Variants in GPR158 observed in about 807,000 individuals in gnomAD.
The protein encoded by GPR158 is G protein-coupled receptor 158, also known as metabotropic glycine receptor.
GPR158 carries 30 observed loss-of-function variants against 78.2 expected under a neutral mutation model. That is an observed-to-expected ratio of 0.38 (90% CI 0.29 to 0.52). GPR158 has a LOEUF of 0.52. Among genes scored for constraint, GPR158 ranks in the 20% least tolerant of loss-of-function variants. GPR158 has a pLI of 0.83. For missense variants in GPR158, 1,463 were observed against 1,523.5 expected, an observed-to-expected ratio of 0.96 and a Z score of 0.66; for synonymous variants, 581 against 591.1, an observed-to-expected ratio of 0.98 and a Z score of 0.25.
At chr10:25,295,731 T>C (rs1854503524) in intron 2 of GPR158, among the ~76,000 whole-genome samples, 1 of 152,140 alleles carries the variant, frequency 6.6e-6, no homozygotes, top group Admixed American at 6.5e-5. Context: ...CTTTCTTTTA[T>C]ACTTCAAATA....
In GPR158 at chr10:25,597,807, A is replaced by C. The variant is rs141944905; in HGVS notation, c.2181A>C (p.Ile727=). ...AAAAACTCTATGCCCAACTGGAAAT[A>C]TATAAAAGAAAGAAGATGATCACAA... ...ELKKLYAQLE[I]YKRKKMITNN... The change falls in exon 11 of 11, where the codon ATA becomes ATC. Residue 727 remains isoleucine, a synonymous_variant. Coordinates refer to ENST00000376351, the MANE Select transcript of GPR158 (RefSeq NM_020752.3). 5.0e-5 allele frequency: 76 copies of C among 1,514,402 alleles called. No individual in the cohort carries two copies. The African/African-American group carries it at 6.8e-4, about 14-fold the overall frequency. The allele number at this position is 1,514,402 out of a possible 1,614,324, so 93.8% of individuals were successfully genotyped here. A position where few individuals can be genotyped will look rare whatever the true frequency, so the allele number is the denominator to read the frequency against.
chr10:25,242,603 C>G (rs534494427), intron 2 of GPR158, among the ~76,000 whole-genome samples: 1 of 152,274 alleles, frequency 6.6e-6, no homozygotes, highest in East Asian at 1.9e-4. Context: ...CTTGGCCATT[C>G]TCTCTCTTCA....
chr10:25,285,287 A>G (rs1376917207), intron 2 of GPR158, among the ~76,000 whole-genome samples: 1 of 150,468 alleles, frequency 6.6e-6, no homozygotes, highest in South Asian at 2.2e-4. Context: ...ACACGTATGC[A>G]TTGATATGTA....
chr10:25,406,550 G>A (rs894428381), intron 3 of GPR158, among the ~76,000 whole-genome samples: 1 of 152,098 alleles, frequency 6.6e-6, no homozygotes. Context: ...TGGGAAACAC[G>A]GACGCCAGAG....
chr10:25,492,021 A>G (rs2130648340), intron 5 of GPR158, among the ~76,000 whole-genome samples: 1 of 152,272 alleles, frequency 6.6e-6, no homozygotes, highest in East Asian at 1.9e-4. Flanking sequence ...AGGCTGTACA[A>G]GGAGCTTGGT....
chr10:25,469,538 C>A (rs564124375), intron 5 of GPR158, among the ~76,000 whole-genome samples: 68 of 152,224 alleles, frequency 4.5e-4, no homozygotes, highest in African/African-American at 1.6e-3. Context: ...GTAATCCCAG[C>A]ACTTTGGGAG....
At chr10:25,558,850 G>T (rs756764709) in intron 6 of GPR158, among the ~76,000 whole-genome samples, 34 of 152,158 alleles carry the variant, frequency 2.2e-4, no homozygotes, top group Non-Finnish European at 3.7e-4. Context: ...TGTCGTGAGA[G>T]CACGTACCTT....
At chr10:25,392,822 A>T (rs181758563) in intron 2 of GPR158, among the ~76,000 whole-genome samples, 8 of 152,284 alleles carry the variant, frequency 5.3e-5, no homozygotes, top group Non-Finnish European at 4.4e-5. Context: ...ACAATTCTTC[A>T]TAAAAAAAAA....
intron 5 of GPR158, among the ~76,000 whole-genome samples, chr10:25,502,303 G>C (rs577739718): frequency 6.6e-6 from 1 of 152,112 alleles, no homozygotes; most frequent in Non-Finnish European, 1.5e-5. Flanking sequence ...CCTAGGACCC[G>C]TGACAGGGGA....
At chr10:25,533,606 T>C (rs554646898) in intron 5 of GPR158, among the ~76,000 whole-genome samples, 1 of 152,246 alleles carries the variant, frequency 6.6e-6, no homozygotes, top group Admixed American at 6.5e-5. Context: ...TCATTCTTTA[T>C]ATATTTCATT....
At chr10:25,404,702 A>G (rs1009560573) in intron 3 of GPR158, among the ~76,000 whole-genome samples, 16 of 152,100 alleles carry the variant, frequency 1.1e-4, no homozygotes, top group Non-Finnish European at 1.0e-4. Flanking sequence ...AAGATATAAA[A>G]CCATTGTCCT....
intron 4 of GPR158, among the ~76,000 whole-genome samples, chr10:25,432,645 C>G (rs771885912): frequency 9.9e-5 from 15 of 152,146 alleles, no homozygotes; most frequent in Admixed American, 2.0e-4. Context: ...ATCACATTCC[C>G]TATTACATTT....
intron 4 of GPR158, among the ~76,000 whole-genome samples, chr10:25,417,399 A>G (rs1020964637): frequency 4.6e-5 from 7 of 152,164 alleles, no homozygotes; most frequent in South Asian, 2.1e-4. Flanking sequence ...TGTTACTGCT[A>G]CATGACTGTG....
At chr10:25,557,136 G>A (rs1448250223) in intron 6 of GPR158, among the ~76,000 whole-genome samples, 2 of 152,150 alleles carry the variant, frequency 1.3e-5, no homozygotes, top group African/African-American at 4.8e-5. Flanking sequence ...GACCCATGCT[G>A]GTGCCCAGAC....
At chr10:25,393,284 A>C (rs1834325855) in intron 2 of GPR158, among the ~76,000 whole-genome samples, 1 of 152,194 alleles carries the variant, frequency 6.6e-6, no homozygotes, top group African/African-American at 2.4e-5. Flanking sequence ...TATCATCATG[A>C]AATCAGTGAT....
intron 2 of GPR158, among the ~76,000 whole-genome samples, chr10:25,271,482 C>T (rs974963246): frequency 6.6e-6 from 1 of 152,118 alleles, no homozygotes; most frequent in African/African-American, 2.4e-5. Context: ...GACATACCGT[C>T]TGATTTTCAG....
chr10:25,182,133 A>C (rs1374525912), intron 1 of GPR158, among the ~76,000 whole-genome samples: 1 of 152,208 alleles, frequency 6.6e-6, no homozygotes, highest in Non-Finnish European at 1.5e-5. Context: ...TATAATGATC[A>C]TTTACTCACA....
intron 5 of GPR158, chr10:25,475,300 CCA>C (rs1835567171): frequency 6.6e-6 from 1 of 152,068 alleles, no homozygotes; most frequent in Non-Finnish European, 1.5e-5. Context: ...CAAAAAAATT[CCA>C]CCCAACAGAA....
intron 4 of GPR158, among the ~76,000 whole-genome samples, chr10:25,418,670 A>G (rs929438074): frequency 6.7e-6 from 1 of 149,486 alleles, no homozygotes; most frequent in Admixed American, 6.7e-5. Flanking sequence ...ACAGCTTAAT[A>G]ATGTCAAGTG....
Sources: gnomAD v4.1 joint callset for allele counts (sites outside exome capture counted in the v4.1 genomes callset) on GRCh38, gnomAD v4.1.1 for gene constraint, MANE v1.5 for transcripts, NCBI Gene and HGNC (gene_info 2026-07-23, HGNC 2026-07-21) for gene names.